The following CDYL variants were observed in gnomAD, a reference collection of about 807,000 sequenced individuals.
The protein encoded by CDYL is chromodomain Y like, also known as chromodomain Y-like protein.
Under a neutral mutation model 47.3 loss-of-function variants are expected in CDYL, and 8 were observed. That is an observed-to-expected ratio of 0.17 (90% confidence interval 0.10 to 0.31). The LOEUF (loss-of-function observed/expected upper bound fraction) is 0.31. Among genes scored for constraint, CDYL ranks in the 10% least tolerant of loss-of-function variants. CDYL has a pLI of 1.00. For synonymous variants in CDYL, 266 were observed against 265.0 expected, an observed-to-expected ratio of 1.00 and a Z score of -0.04; for missense variants, 471 against 701.4, an observed-to-expected ratio of 0.67 and a Z score of 3.71.
chr6:4,710,809 T>C (rs747670741), intron 1 of CDYL, among the ~76,000 whole-genome samples: 10 of 152,114 alleles, frequency 6.6e-5, no homozygotes, highest in South Asian at 2.1e-4. Context: ...ACCACTACTA[T>C]CATCCCTTTC....
At chr6:4,877,156 T>C (rs757862410) in intron 1 of CDYL, among the ~76,000 whole-genome samples, 1 of 152,214 alleles carries the variant, frequency 6.6e-6, no homozygotes, top group Non-Finnish European at 1.5e-5. Context: ...AGGTATTTTG[T>C]TATAGTGGTC....
At chr6:4,707,708 A>T (rs956583113) in intron 1 of CDYL, among the ~76,000 whole-genome samples, 3 of 152,194 alleles carry the variant, frequency 2.0e-5, no homozygotes, top group Non-Finnish European at 4.4e-5. Flanking sequence ...TTTAAAAGTT[A>T]AGCTGATCCT....
Position 4,846,961 on chromosome 6 carries a change from G to T in CDYL, c.25-44752G>T, listed in dbSNP as rs115903526. Among the ~76,000 whole-genome samples the T allele has an allele frequency of 4.3e-3, 653 of 152,210 alleles. 2 individuals are homozygous for T. Among genetic ancestry groups the T allele is most frequent in the Non-Finnish European group, 7.3e-3 (494 of 68,016 alleles). The stretch of plus-strand genomic sequence containing the variant: ...GGTCAGCAAAGTAGCCCCCTATTAG[G>T]TTTCTGCAGTAGTCTCAGATCCACT... On this transcript the variant is annotated intron_variant, in intron 1 of 6. Coordinates refer to ENST00000397588, the MANE Select transcript of CDYL (RefSeq NM_004824.4).
At chr6:4,753,250 G>GA (rs1758025804) in intron 3 of CDYL, among the ~76,000 whole-genome samples, 1 of 152,046 alleles carries the variant, frequency 6.6e-6, no homozygotes, top group East Asian at 1.9e-4. Flanking sequence ...GTTTTAAGCT[G>GA]AAAAAATAGA....
At chr6:4,738,077 A>G (rs1470033350) in intron 3 of CDYL, among the ~76,000 whole-genome samples, 1 of 152,232 alleles carries the variant, frequency 6.6e-6, no homozygotes, top group Non-Finnish European at 1.5e-5. Context: ...AGTAATTCAC[A>G]GAAGAAACTG....
intron 1 of CDYL, among the ~76,000 whole-genome samples, chr6:4,819,116 TTCTCTCTCTCTCTCTCTCTCTCTCTC>T (rs373718294): frequency 1.3e-5 from 1 of 76,704 alleles, no homozygotes; most frequent in South Asian, 5.5e-4. Context: ...TTTAGGTTCG[TTCTCTCTCTCTCTCTCTCTCTCTCTC>T]TCTCTCTCTC....
chr6:4,894,153 A>G (rs1022168813), intron 2 of CDYL, among the ~76,000 whole-genome samples: 2 of 152,170 alleles, frequency 1.3e-5, no homozygotes, highest in Non-Finnish European at 2.9e-5. Flanking sequence ...AGCACGCTCT[A>G]TTTTGCAGTT....
intron 2 of CDYL, among the ~76,000 whole-genome samples, chr6:4,919,231 A>G (rs1757641303): frequency 6.6e-6 from 1 of 152,116 alleles, no homozygotes; most frequent in South Asian, 2.1e-4. Flanking sequence ...CCTGGATCCT[A>G]CACTGGGTAC....
chr6:4,864,616 G>A (rs544814961), intron 1 of CDYL, among the ~76,000 whole-genome samples: 1 of 152,198 alleles, frequency 6.6e-6, no homozygotes, highest in East Asian at 1.9e-4. Flanking sequence ...GAATCATGGG[G>A]CCGGTTTTTC....
chr6:4,863,431 G>A (rs1432398257), intron 1 of CDYL, among the ~76,000 whole-genome samples: 1 of 152,058 alleles, frequency 6.6e-6, no homozygotes, highest in Non-Finnish European at 1.5e-5. Flanking sequence ...AAAAAATCGA[G>A]TCACATAATT....
intron 3 of CDYL, among the ~76,000 whole-genome samples, chr6:4,766,258 G>A (rs1227097579): frequency 6.6e-6 from 1 of 152,138 alleles, no homozygotes; most frequent in Admixed American, 6.5e-5. Flanking sequence ...TGCCCAGGCT[G>A]GAGTGCAATG....
rs772532033 is a variant in CDYL at position 4,715,856 on chromosome 6, A to G, written c.78A>G (p.Gln26=). ...ACTGGCAATACGAGGGCCCAACCCA[A>G]AAGTTATTCCTGAAGAGAAACAACG... is the stretch of plus-strand genomic sequence containing the variant. The change falls in exon 2 of 9, where the codon CAA becomes CAG. Residue 26 remains glutamine (Q), a synonymous_variant. Coordinates refer to the CDYL transcript ENST00000328908. The G allele has an allele frequency of 2.5e-6, 4 of 1,614,194 alleles. No homozygotes were observed. In the Admixed American group the frequency reaches 6.7e-5, roughly 27 times the overall value.
chr6:4,772,979 C>T (rs759938441), upstream of CDYL: 1 of 372,812 alleles, frequency 2.7e-6, no homozygotes, highest in Non-Finnish European at 5.3e-6. Context: ...GAAGACATGC[C>T]TGGTTTGGCT....
intron 1 of CDYL, among the ~76,000 whole-genome samples, chr6:4,846,990 A>G (rs148370701): frequency 2.0e-5 from 3 of 152,290 alleles, no homozygotes; most frequent in Non-Finnish European, 2.9e-5. Context: ...ATCCACTTAG[A>G]TCTGTGATCC....
At chr6:4,868,177 T>TGA (rs1761375257) in intron 1 of CDYL, among the ~76,000 whole-genome samples, 1 of 151,836 alleles carries the variant, frequency 6.6e-6, no homozygotes, top group African/African-American at 2.4e-5. Flanking sequence ...TTCTGTTTCT[T>TGA]ATTTCTTCAA....
intron 2 of CDYL, among the ~76,000 whole-genome samples, chr6:4,892,725 T>C (rs1753351789): frequency 6.6e-6 from 1 of 152,198 alleles, no homozygotes; most frequent in African/African-American, 2.4e-5. Context: ...TCTTGTCTCG[T>C]GTTAAGCGTT....
chr6:4,723,861 A>G (rs1391879433), intron 2 of CDYL, among the ~76,000 whole-genome samples: 3 of 152,262 alleles, frequency 2.0e-5, no homozygotes, highest in East Asian at 3.8e-4. Context: ...CTGAGTGTTT[A>G]GGTCTAACCG....
chr6:4,876,568 CG>C (rs1261112681), intron 1 of CDYL, among the ~76,000 whole-genome samples: 1 of 152,076 alleles, frequency 6.6e-6, no homozygotes, highest in Non-Finnish European at 1.5e-5. Flanking sequence ...CCCTCATGAA[CG>C]GTGTGATATT....
chr6:4,792,508 G>A (rs1198425506), intron 1 of CDYL, among the ~76,000 whole-genome samples: 1 of 150,476 alleles, frequency 6.6e-6, no homozygotes, highest in Non-Finnish European at 1.5e-5. Flanking sequence ...CTCCGCTCAC[G>A]GTAACCTCCA....
Sources: gnomAD v4.1 joint callset for allele counts (sites outside exome capture counted in the v4.1 genomes callset) on GRCh38, gnomAD v4.1.1 for gene constraint, MANE v1.5 for transcripts, NCBI Gene and HGNC (gene_info 2026-07-23, HGNC 2026-07-21) for gene names.